Variants in NUP107 observed in about 807,000 individuals in gnomAD.
NUP107 encodes nuclear pore complex protein Nup107.
A neutral mutation model predicts 141.0 loss-of-function variants in NUP107; 101 were observed. The ratio of observed to expected loss-of-function variants is 0.72; its 90% confidence interval spans 0.61 to 0.84. The LOEUF (loss-of-function observed/expected upper bound fraction) is 0.84. NUP107 is among the 40% of genes least tolerant of loss of function. NUP107 has a pLI of 0.00. For synonymous variants in NUP107, 319 were observed against 363.9 expected (o/e 0.88, Z 1.41); for missense variants, 941 against 1,102.7 (o/e 0.85, Z 2.08).
At chr12:68,692,642 G>A (rs1875862623) in intron 5 of NUP107, among the ~76,000 whole-genome samples, 1 of 151,058 alleles carries the variant, frequency 6.6e-6, no homozygotes, top group South Asian at 2.1e-4. Context: ...AAATGCAGTG[G>A]CACAATCATG....
At chr12:68,707,541 G>A (rs1164533976) in intron 8 of NUP107, among the ~76,000 whole-genome samples, 1 of 152,176 alleles carries the variant, frequency 6.6e-6, no homozygotes, top group Non-Finnish European at 1.5e-5. Flanking sequence ...CAAGAATGTA[G>A]TGAGCTGTAA....
At chr12:68,693,369 G>A (rs1592491864) in intron 5 of NUP107, among the ~76,000 whole-genome samples, 2 of 152,198 alleles carry the variant, frequency 1.3e-5, no homozygotes, top group East Asian at 3.9e-4. Flanking sequence ...AAGCCACTGT[G>A]CCCAGCCTAA....
At chr12:68,689,392 C>T in intron 2 of NUP107, 141 bp from the exon 3 acceptor site, 2 of 580,596 alleles carry the variant, frequency 3.4e-6, no homozygotes, top group Non-Finnish European at 6.0e-6. Flanking sequence ...AATTATTTAC[C>T]CTTTGCATTG....
chr12:68,700,957 C>A, intron 7 of NUP107, 104 bp downstream of exon 7: 1 of 1,170,016 alleles, frequency 8.5e-7, no homozygotes, highest in Non-Finnish European at 1.2e-6. Flanking sequence ...ATAGGTTTTG[C>A]TATTTTTGAT....
At chr12:68,712,722 G>A (rs1188668639) in intron 10 of NUP107, among the ~76,000 whole-genome samples, 1 of 149,270 alleles carries the variant, frequency 6.7e-6, no homozygotes, top group East Asian at 2.0e-4. Flanking sequence ...TTGCTGATCA[G>A]CGGAACAGAA....
intron 10 of NUP107, among the ~76,000 whole-genome samples, chr12:68,710,570 G>A (rs1485636298): frequency 4.7e-5 from 7 of 148,366 alleles, no homozygotes; most frequent in East Asian, 2.0e-4. Context: ...CAGGAGAATC[G>A]CTGAAATCCA....
intron 5 of NUP107, among the ~76,000 whole-genome samples, chr12:68,692,362 C>T (rs113593901): frequency 1.1e-3 from 163 of 151,926 alleles, no homozygotes; most frequent in African/African-American, 3.7e-3. Flanking sequence ...GGGCAGATCA[C>T]GAGGTCAGGA....
At chr12:68,725,834 T>TGA (rs750185629) in intron 18 of NUP107, 38 bp downstream of exon 18, 1 of 938,112 alleles carries the variant, frequency 1.1e-6, no homozygotes, top group Non-Finnish European at 1.5e-6. Context: ...GTTTTTTGTG[T>TGA]GTGTTTTTTT....
intron 20 of NUP107, among the ~76,000 whole-genome samples, chr12:68,729,332 TA>T (rs1249446170): frequency 7.9e-5 from 12 of 152,238 alleles, no homozygotes; most frequent in Admixed American, 3.3e-4. Flanking sequence ...TACGTTTTGA[TA>T]AATTTTAACT....
At chr12:68,725,842 T>G (rs1565699844) in intron 18 of NUP107, 46 bp downstream of exon 18, 5 of 1,055,650 alleles carry the variant, frequency 4.7e-6, no homozygotes, top group South Asian at 1.4e-5. Context: ...TGTGTGTTTT[T>G]TTTTTTTTTT....
chr12:68,705,938 T>C lies in NUP107; in HGVS notation c.729+3154T>C. Reference sequence around the variant, plus strand: ...CAGATCAAGACCCTCAACAACAAGTTTGCCTCCTTCATTGACAAGGTACAG... The same window carrying C: ...CAGATCAAGACCCTCAACAACAAGTCTGCCTCCTTCATTGACAAGGTACAG... On this transcript the variant is annotated intron_variant, in intron 8 of 27. Coordinates refer to ENST00000229179, the MANE Select transcript of NUP107 (RefSeq NM_020401.4). The C allele has an allele frequency of 3.3e-6, 3 of 912,066 alleles. No homozygotes were observed. The South Asian group carries it at 3.9e-5, about 12-fold the overall frequency. The allele number at this position is 912,066 out of a possible 1,614,324, so 56.5% of individuals were successfully genotyped here. A position where few individuals can be genotyped will look rare whatever the true frequency, so the allele number is the denominator to read the frequency against.
intron 10 of NUP107, among the ~76,000 whole-genome samples, chr12:68,713,346 G>C (rs867434900): frequency 6.9e-6 from 1 of 144,328 alleles, no homozygotes; most frequent in South Asian, 2.2e-4. Context: ...CTGCACTTTA[G>C]CCTCGGCAAC....
chr12:68,733,656 AT>A (rs749256314), intron 24 of NUP107, 44 bp downstream of exon 24: 1 of 1,556,854 alleles, frequency 6.4e-7, no homozygotes, highest in South Asian at 1.2e-5. Context: ...CTTCATGATG[AT>A]TTTTCGGATT....
chr12:68,716,301 A>G (rs1877111536), intron 12 of NUP107, among the ~76,000 whole-genome samples: 1 of 146,220 alleles, frequency 6.8e-6, no homozygotes, highest in Non-Finnish European at 1.5e-5. Flanking sequence ...CAGTGATATA[A>G]TCATGGCCCA....
At chr12:68,711,219 C>T (rs1231096468) in intron 10 of NUP107, among the ~76,000 whole-genome samples, 5 of 151,918 alleles carry the variant, frequency 3.3e-5, no homozygotes, top group East Asian at 1.9e-4. Context: ...GGCGTGGTGG[C>T]GGGCGCCTGT....
At chr12:68,710,647 G>A (rs1183368743) in intron 10 of NUP107, among the ~76,000 whole-genome samples, 12 of 69,044 alleles carry the variant, frequency 1.7e-4, no homozygotes, top group African/African-American at 3.1e-4. Flanking sequence ...AGAGCAGGCC[G>A]TCTTAAAAAA....
intron 8 of NUP107, among the ~76,000 whole-genome samples, chr12:68,707,736 TTTG>T (rs770220746): frequency 2.6e-4 from 40 of 152,190 alleles, no homozygotes; most frequent in Non-Finnish European, 4.4e-4. Context: ...TAGAGATGAT[TTTG>T]TTGTTGTTGT....
chr12:68,704,694 A>G (rs980863274), intron 8 of NUP107, among the ~76,000 whole-genome samples: 7 of 151,902 alleles, frequency 4.6e-5, no homozygotes, highest in Admixed American at 3.9e-4. Context: ...GCTTCAAGTG[A>G]TCCACCTGTT....
At chr12:68,734,196 G>A (rs554101080) in intron 24 of NUP107, among the ~76,000 whole-genome samples, 7 of 152,324 alleles carry the variant, frequency 4.6e-5, no homozygotes, top group Non-Finnish European at 7.3e-5. Flanking sequence ...AGGATCGCAT[G>A]AGCCCAGGGA....
Sources: allele counts gnomAD v4.1 joint callset (sites outside exome capture counted in the v4.1 genomes callset), GRCh38; gene constraint gnomAD v4.1.1; transcripts MANE v1.5; gene names NCBI Gene and HGNC (gene_info 2026-07-23, HGNC 2026-07-21).